Variants in SRP54 observed in about 807,000 individuals in gnomAD.
SRP54 encodes the protein signal recognition particle subunit SRP54.
Under a neutral mutation model 64.8 loss-of-function variants are expected in SRP54, and 10 were observed. The observed-to-expected ratio is 0.15, with a 90% confidence interval of 0.10 to 0.26. The LOEUF is 0.26. Ranked by LOEUF, SRP54 falls within the 10% of genes least tolerant of loss-of-function variation. SRP54 has a pLI of 1.00. For missense variants in SRP54, 325 were observed against 613.7 expected (o/e 0.53, Z 4.97); for synonymous variants, 193 against 185.6 (o/e 1.04, Z -0.32).
At chr14:35,019,315 TTCTTCATGA>T in intron 13 of SRP54, 1 of 318,160 alleles carries the variant, frequency 3.1e-6, no homozygotes, top group South Asian at 4.0e-5. Flanking sequence ...AGAACACTAG[TTCTTCATGA>T]TGTTCATAGA....
In SRP54 at chr14:35,013,839, A is replaced by G; in HGVS notation, c.823A>G (p.Thr275Ala). The G allele has an allele frequency of 6.2e-7, 1 of 1,613,834 alleles. No homozygotes were observed. Among genetic ancestry groups the G allele is most frequent in the South Asian group, 1.1e-5 (1 of 91,050 alleles). Residue 275 changes from threonine to alanine, a missense_variant, in exon 10 of 16, where the codon ACA becomes GCA. This residue lies in a region of SRP54 where 146 missense variants were observed against 337.4 expected (regional missense o/e 0.43). Coordinates refer to ENST00000216774, the MANE Select transcript of SRP54 (RefSeq NM_003136.4). Reference sequence around the variant, plus strand: ...AAAAAGTCCGATTATTTTCATTGGTACAGGGGAACATATAGATGACTTTGA... The same window carrying G: ...AAAAAGTCCGATTATTTTCATTGGTGCAGGGGAACATATAGATGACTTTGA... ...ATKSPIIFIGTGEHIDDFEPF... is the reference protein window; with the variant it reads ...ATKSPIIFIGAGEHIDDFEPF...
At position 35,008,634 on chromosome 14, in the gene SRP54, A is replaced by G. The variant is rs1235733928; in HGVS notation, c.368A>G (p.Tyr123Cys). 1.9e-6 allele frequency: 3 copies of G among 1,577,140 alleles called. No homozygotes were observed. The highest frequency in any genetic ancestry group is 1.7e-5 in the Admixed American group (1 of 57,672). Residue 123 changes from tyrosine (Y) to cysteine (C), a missense_variant, in exon 6 of 16, where the codon TAT becomes TGT. By Grantham distance (194) the Tyr-to-Cys change is radical. This residue lies in a region of SRP54 where 156 missense variants were observed against 254.6 expected (regional missense o/e 0.61). Transcript: ENST00000216774. ...AAATCTTTTCTCACCCAGCTAGCAT[A>G]TTATTACCAGAGGAAAGGTTGGAAG... ...GKTTTCSKLA[Y>C]YYQRKGWKTC... is the part of the protein sequence containing the mutation.
intron 1 of SRP54, among the ~76,000 whole-genome samples, chr14:34,993,983 C>T (rs1309769433): frequency 1.3e-5 from 2 of 150,984 alleles, no homozygotes; most frequent in African/African-American, 4.9e-5. Flanking sequence ...GCATGAGCCA[C>T]CGCACCTGGC....
intron 1 of SRP54, chr14:34,993,378 G>T (rs760246180): frequency 6.6e-6 from 1 of 152,084 alleles, no homozygotes; most frequent in Non-Finnish European, 1.5e-5. Context: ...AAAAGTCCTG[G>T]ATCTTTTCCA....
At chr14:34,996,928 G>A in intron 2 of SRP54, 141 bp downstream of exon 2, 1 of 493,508 alleles carries the variant, frequency 2.0e-6, no homozygotes, top group East Asian at 3.2e-5. Flanking sequence ...AGTGGATACA[G>A]TAAGTAGTGT....
rs1191818768 is a variant in SRP54 at position 35,013,387 on chromosome 14, G to A, written c.678G>A (p.Gly226=). The change falls in exon 9 of 16, where the codon GGG becomes GGA. Residue 226 remains glycine, a synonymous_variant. Transcript: ENST00000216774. ...TTTATGTGATGGATGCCTCCATTGG[G>A]CAGGCTTGTGAAGCCCAGGCTAAGG... is the stretch of plus-strand genomic sequence containing the variant. The part of the protein sequence containing the change: ...NIVYVMDASI[G]QACEAQAKAF... The A allele has an allele frequency of 6.2e-7, 1 of 1,613,986 alleles. No individual in the cohort carries two copies.
At chr14:34,993,937 C>T (rs936840599) in intron 1 of SRP54, among the ~76,000 whole-genome samples, 3 of 151,880 alleles carry the variant, frequency 2.0e-5, no homozygotes, top group African/African-American at 4.8e-5. Context: ...TCAGGTGATC[C>T]GCCTGCCTCG....
intron 4 of SRP54, among the ~76,000 whole-genome samples, chr14:35,003,873 G>T (rs1288972760): frequency 1.3e-5 from 2 of 151,844 alleles, no homozygotes; most frequent in Non-Finnish European, 2.9e-5. Context: ...GGTGGAGGTT[G>T]CAGTGAGCCG....
intron 8 of SRP54, among the ~76,000 whole-genome samples, chr14:35,012,014 C>G (rs1158175218): frequency 1.3e-5 from 2 of 151,998 alleles, no homozygotes; most frequent in African/African-American, 4.8e-5. Flanking sequence ...GTCAGGAGTT[C>G]AAGATCAGCC....
chr14:35,008,636 T>C lies in SRP54; in HGVS notation c.370T>C (p.Tyr124His). 1 of 1,579,442 alleles carries C rather than the reference T, an allele frequency of 6.3e-7. No individual in the cohort carries two copies. The highest frequency in any genetic ancestry group is 1.7e-5 in the Admixed American group (1 of 57,820). Reference protein sequence around the residue: ...KTTTCSKLAYYYQRKGWKTCL... With the variant: ...KTTTCSKLAYHYQRKGWKTCL... Reference sequence around the variant, plus strand: ...ATCTTTTCTCACCCAGCTAGCATATTATTACCAGAGGAAAGGTTGGAAGAC... The same window carrying C: ...ATCTTTTCTCACCCAGCTAGCATATCATTACCAGAGGAAAGGTTGGAAGAC... The change falls in exon 6 of 16, where the codon TAT (tyrosine) becomes CAT (histidine). Residue 124 changes from tyrosine (Y) to histidine (H), a missense_variant. By Grantham distance (83) the Tyr-to-His change is moderately conservative. This residue lies in a region of SRP54 where 156 missense variants were observed against 254.6 expected (regional missense o/e 0.61). Transcript: ENST00000216774.
chr14:35,004,968 C>G (rs1289165166), intron 4 of SRP54, among the ~76,000 whole-genome samples: 1 of 152,178 alleles, frequency 6.6e-6, no homozygotes, highest in East Asian at 1.9e-4. Context: ...CAGACTTTCT[C>G]TCAAAGGTTT....
intron 4 of SRP54, among the ~76,000 whole-genome samples, chr14:35,003,956 A>G (rs1334364779): frequency 6.6e-6 from 1 of 150,934 alleles, no homozygotes; most frequent in Admixed American, 6.6e-5. Context: ...AAATAAATAA[A>G]TAAAGCTTCC....
intron 9 of SRP54, 150 bp downstream of exon 9, chr14:35,013,644 G>A: frequency 8.8e-7 from 1 of 1,138,956 alleles, no homozygotes; most frequent in Middle Eastern, 2.1e-4. Flanking sequence ...CAATTTTGGA[G>A]CCTGTCTGAT....
At chr14:35,007,475 T>A in intron 5 of SRP54, 88 bp downstream of exon 5, 3 of 513,690 alleles carry the variant, frequency 5.8e-6, no homozygotes, top group Non-Finnish European at 9.2e-6. Flanking sequence ...ATGTAAAGCC[T>A]GGCTTTATAA....
At chr14:34,996,872 A>G in intron 2 of SRP54, 85 bp downstream of exon 2, 1 of 1,010,632 alleles carries the variant, frequency 9.9e-7, no homozygotes, top group Non-Finnish European at 1.6e-6. Flanking sequence ...CCCTGTATTT[A>G]TATGTATTTT....
At chr14:35,002,328 T>G (rs1017109884) in intron 4 of SRP54, among the ~76,000 whole-genome samples, 1 of 152,050 alleles carries the variant, frequency 6.6e-6, no homozygotes, top group Admixed American at 6.6e-5. Flanking sequence ...CACTCCCGAC[T>G]GGGGGAGAGG....
chr14:35,026,198 T>C (rs1404278237), intron 14 of SRP54, among the ~76,000 whole-genome samples: 1 of 151,942 alleles, frequency 6.6e-6, no homozygotes, highest in Non-Finnish European at 1.5e-5. Context: ...TGTTGTTGTT[T>C]ATTTTTTGTT....
At chr14:34,999,302 A>G (rs1439539987) in intron 2 of SRP54, among the ~76,000 whole-genome samples, 2 of 152,046 alleles carry the variant, frequency 1.3e-5, no homozygotes, top group African/African-American at 4.8e-5. Context: ...GGCGTGAGCC[A>G]CCATGCCGGG....
rs1469577863 is a variant in SRP54, at chr14:34,983,125, C to G, written c.-124C>G. 1 of 152,388 alleles carries G rather than the reference C, an allele frequency of 6.6e-6. No individual in the cohort carries two copies. The highest frequency in any genetic ancestry group is 2.4e-5 in the African/African-American group (1 of 41,468). The allele number at this position is 152,388 out of a possible 1,614,324, so 9.4% of individuals were successfully genotyped here. ...GTGGGGTCATACCTGTCTGTCTGCT[C>G]CCAGCTTTCTTGGGTTTCTTCCGAC... On this transcript the variant is annotated 5_prime_UTR_variant, in exon 1 of 16. Coordinates refer to ENST00000216774, the MANE Select transcript of SRP54 (RefSeq NM_003136.4).
Sources: allele counts gnomAD v4.1 joint callset (sites outside exome capture counted in the v4.1 genomes callset), GRCh38; gene constraint gnomAD v4.1.1; regional missense constraint gnomAD v4.1.1; transcripts MANE v1.5; gene names NCBI Gene and HGNC (gene_info 2026-07-23, HGNC 2026-07-21).